YY1AP1: variants seen among roughly 807,000 people sequenced by gnomAD.
YY1AP1 encodes the protein YY1 associated protein 1.
In YY1AP1, 43 loss-of-function variants were observed where a neutral mutation model predicts 39.9. That is an observed-to-expected ratio of 1.08 (90% CI 0.84 to 1.39). The LOEUF is 1.39. YY1AP1 is among the 40% of genes most tolerant of loss of function. The pLI, the probability that YY1AP1 is intolerant of heterozygous loss-of-function variation, is 0.00. For missense variants in YY1AP1, 813 were observed against 900.7 expected (o/e 0.90, Z 1.25); for synonymous variants, 292 against 331.3 (o/e 0.88, Z 1.29).
intron 9 of YY1AP1, among the ~76,000 whole-genome samples, chr1:155,667,939 C>T (rs542113252): frequency 4.0e-5 from 6 of 149,808 alleles, no homozygotes; most frequent in Non-Finnish European, 5.9e-5. Context: ...TACATACAGA[C>T]ACAGACACAC....
At chr1:155,666,400 C>T (rs995397225) in intron 9 of YY1AP1, among the ~76,000 whole-genome samples, 6 of 152,156 alleles carry the variant, frequency 3.9e-5, no homozygotes, top group Non-Finnish European at 5.9e-5. Flanking sequence ...GGATTACAGG[C>T]GTGAGCCACC....
intron 7 of YY1AP1, among the ~76,000 whole-genome samples, chr1:155,671,938 G>C (rs1258302448): frequency 6.6e-6 from 1 of 152,158 alleles, no homozygotes; most frequent in East Asian, 1.9e-4. Context: ...CAACTAATTT[G>C]CTAAGTCAGC....
At position 155,660,580 on chromosome 1, in the gene YY1AP1, T is replaced by A. The variant is rs899233919; in HGVS notation, c.1330A>T (p.Ser444Cys). The A allele has an allele frequency of 6.2e-7, 1 of 1,614,074 alleles. No individual in the cohort carries two copies. The highest frequency in any genetic ancestry group is 8.5e-7 in the Non-Finnish European group (1 of 1,179,980). Reference sequence around the variant, plus strand: ...TGAGGAATCCGGAGCACCATTTTGCTCGGAGGGGCTTCTGAATGAGTTGAT... The same window carrying A: ...TGAGGAATCCGGAGCACCATTTTGCACGGAGGGGCTTCTGAATGAGTTGAT... ...AQSTHSEAPPSKMVLRIPHPI... is the reference protein window; with the variant it reads ...AQSTHSEAPPCKMVLRIPHPI... Residue 444 changes from serine (S) to cysteine (C), a missense_variant, in exon 11 of 11, where the codon AGC becomes TGC. By Grantham distance (112) the Ser-to-Cys change is moderately radical (BLOSUM62 -1). Around this residue, in one of 3 missense-constraint regions of YY1AP1, gnomAD observed 586 missense variants for 647.4 expected, o/e 0.91. Transcript: ENST00000355499.
intron 2 of YY1AP1, among the ~76,000 whole-genome samples, chr1:155,684,446 C>T (rs1651939009): frequency 6.6e-6 from 1 of 152,114 alleles, no homozygotes; most frequent in South Asian, 2.1e-4. Flanking sequence ...ATTTACATAG[C>T]ATTCTTATAC....
At chr1:155,687,956 C>T (rs1652751036) in intron 2 of YY1AP1, 115 bp downstream of exon 2, 5 of 1,224,122 alleles carry the variant, frequency 4.1e-6, no homozygotes, top group Non-Finnish European at 5.7e-6. Flanking sequence ...CCATCTTCAC[C>T]ACTGCTCTCC....
At chr1:155,679,352 C>T in intron 4 of YY1AP1, 57 bp downstream of exon 4, 2 of 1,612,496 alleles carry the variant, frequency 1.2e-6, no homozygotes, top group Non-Finnish European at 8.5e-7. Flanking sequence ...TTCTGAAAAC[C>T]TTTTCAGAAA....
rs770807874 is a variant in YY1AP1 at position 155,660,175 on chromosome 1, C to T, written c.1735G>A (p.Ala579Thr). The T allele has an allele frequency of 1.2e-6, 2 of 1,614,058 alleles. No homozygotes were observed. Among genetic ancestry groups the T allele is most frequent in the East Asian group, 2.2e-5 (1 of 44,900 alleles). ...GGCNMIQPVN[A>T]AVAQSPQTIP... ...GTCTGGGGACTCTGGGCCACAGCCG[C>T]ATTGACAGGCTGGATCATGTTACAG... The change falls in exon 11 of 11, where the codon GCG becomes ACG. Residue 579 changes from alanine (A) to threonine (T), a missense_variant. Physicochemically the swap from Ala to Thr is moderately conservative, Grantham distance 58 (BLOSUM62 0). Around this residue, in one of 3 missense-constraint regions of YY1AP1, gnomAD observed 586 missense variants for 647.4 expected, o/e 0.91. Coordinates refer to ENST00000355499, the MANE Select transcript of YY1AP1 (RefSeq NM_139119.3).
chr1:155,686,125 C>A (rs1652229550), intron 2 of YY1AP1, among the ~76,000 whole-genome samples: 1 of 149,794 alleles, frequency 6.7e-6, no homozygotes, highest in African/African-American at 2.5e-5. Context: ...AGCTCTGCCT[C>A]CCGGGTTCAC....
At position 155,660,594 on chromosome 1, in the gene YY1AP1, G is replaced by A. The variant is rs373963422; in HGVS notation, c.1316C>T (p.Ser439Leu). 6.2e-7 allele frequency: 1 copy of A among 1,614,200 alleles called. No homozygotes were observed. The highest frequency in any genetic ancestry group is 1.3e-5 in the African/African-American group (1 of 75,040). Residue 439 changes from serine (S) to leucine (L), a missense_variant, in exon 11 of 11, where the codon TCA (serine) becomes TTA (leucine). Ser to Leu is a moderately radical substitution (Grantham distance 145, BLOSUM62 -2). Transcript: ENST00000355499. ...PGKTPAQSTHSEAPPSKMVLR... is the reference protein window; with the variant it reads ...PGKTPAQSTHLEAPPSKMVLR... ...CACCATTTTGCTCGGAGGGGCTTCT[G>A]AATGAGTTGATTGGGCTGGTGTTTT...
chr1:155,680,592 G>GTGAGACCCT, intron 2 of YY1AP1, 136 bp from the exon 3 acceptor site: 1 of 708,674 alleles, frequency 1.4e-6, no homozygotes. Flanking sequence ...CCTGAGACAG[G>GTGAGACCCT]GTCTCACTCT....
intron 6 of YY1AP1, 123 bp downstream of exon 6, chr1:155,674,887 T>A (rs1273316311): frequency 1.2e-6 from 1 of 806,876 alleles, no homozygotes; most frequent in Non-Finnish European, 2.0e-6. Context: ...GTGGCTTATG[T>A]TCACTCAGCA....
chr1:155,688,183 C>G lies in YY1AP1; in HGVS notation c.-133G>C. On this transcript the variant is annotated 5_prime_UTR_variant, in exon 2 of 11. Coordinates refer to ENST00000355499, the MANE Select transcript of YY1AP1 (RefSeq NM_139119.3). ...CGGATCCCTCCCGCTTGTCAGGAGG[C>G]GGCCAGCGGGTAAGCCGACTGGCGG... 1 of 1,613,916 alleles carries G rather than the reference C, an allele frequency of 6.2e-7. No individual in the cohort carries two copies. The highest frequency in any genetic ancestry group is 1.7e-5 in the Admixed American group (1 of 60,022).
Position 155,668,689 on chromosome 1 carries a change from G to A in YY1AP1, c.817C>T (p.Arg273Cys), listed in dbSNP as rs140514168. 1.8e-4 allele frequency: 284 copies of A among 1,613,948 alleles called. No individual in the cohort carries two copies. Among genetic ancestry groups the A allele is most frequent in the Non-Finnish European group, 2.3e-4 (271 of 1,180,012 alleles). Residue 273 changes from arginine (R) to cysteine (C), a missense_variant, in exon 9 of 11, where the codon CGC (arginine) becomes TGC (cysteine). Around this residue, in one of 3 missense-constraint regions of YY1AP1, gnomAD observed 586 missense variants for 647.4 expected, o/e 0.91. Coordinates refer to ENST00000355499, the MANE Select transcript of YY1AP1 (RefSeq NM_139119.3). ...SKYLLTCKTA[R>C]QLTVRIKNLN... The stretch of plus-strand genomic sequence containing the variant: ...TTCTTGATTCTCACTGTCAGTTGGC[G>A]GGCAGTCTTGCAGGTTAGAAGGTAC...
intron 5 of YY1AP1, among the ~76,000 whole-genome samples, 165 bp downstream of exon 5, chr1:155,676,383 T>C (rs933073377): frequency 6.6e-6 from 1 of 152,204 alleles, no homozygotes; most frequent in Non-Finnish European, 1.5e-5. Context: ...GACATGAACA[T>C]GATGACTTCT....
intron 4 of YY1AP1, among the ~76,000 whole-genome samples, chr1:155,678,704 G>A (rs1651082791): frequency 1.3e-5 from 2 of 152,168 alleles, no homozygotes; most frequent in African/African-American, 4.8e-5. Context: ...CTAGCTTTCA[G>A]ATGGAACCCA....
In YY1AP1 at chr1:155,660,900, G is replaced by A; in HGVS notation, c.1010C>T (p.Ser337Phe). 1 of 1,614,122 alleles carries A rather than the reference G, an allele frequency of 6.2e-7. No individual in the cohort carries two copies. Among genetic ancestry groups the A allele is most frequent in the Non-Finnish European group, 8.5e-7 (1 of 1,180,024 alleles). ...CATGTGCCGCAGTTCTTCCTGGATG[G>A]ATGGCAGACTGGCCTATTGGAAATG... The part of the protein sequence containing the change: ...LPFWLKASLP[S>F]IQEELRHMAD... The change falls in exon 11 of 11, where the codon TCC becomes TTC. Residue 337 changes from serine (S) to phenylalanine (F), a missense_variant. Ser to Phe is a radical substitution (Grantham distance 155). Around this residue, in one of 3 missense-constraint regions of YY1AP1, gnomAD observed 586 missense variants for 647.4 expected, o/e 0.91. Transcript: ENST00000355499.
intron 7 of YY1AP1, chr1:155,671,150 GC>G (rs1649801219): frequency 6.6e-6 from 1 of 152,086 alleles, no homozygotes; most frequent in African/African-American, 2.4e-5. Flanking sequence ...AAGATTCCAG[GC>G]CAGGCGTGCT....
intron 5 of YY1AP1, among the ~76,000 whole-genome samples, chr1:155,676,194 C>T (rs998946370): frequency 4.6e-5 from 7 of 151,768 alleles, no homozygotes; most frequent in African/African-American, 1.7e-4. Flanking sequence ...TGCACTCCAG[C>T]CTGGGTGACA....
chr1:155,670,774 A>G, intron 7 of YY1AP1: 1 of 298,898 alleles, frequency 3.3e-6, no homozygotes, highest in South Asian at 3.1e-5. Flanking sequence ...TCCCGGGTTC[A>G]GGCCATTCTC....
Sources: gnomAD v4.1 joint callset for allele counts (sites outside exome capture counted in the v4.1 genomes callset) on GRCh38, gnomAD v4.1.1 for gene constraint, gnomAD v4.1.1 regional missense constraint, MANE v1.5 for transcripts, NCBI Gene and HGNC (gene_info 2026-07-23, HGNC 2026-07-21) for gene names.